The following CDC45 variants were observed in gnomAD, a reference collection of about 807,000 sequenced individuals.
CDC45 encodes cell division control protein 45 homolog.
CDC45 carries 54 observed loss-of-function variants against 77.8 expected under a neutral mutation model. The ratio of observed to expected loss-of-function variants is 0.69; its 90% CI spans 0.56 to 0.87. The LOEUF (loss-of-function observed/expected upper bound fraction) is 0.87, where lower values mean the gene tolerates loss of function less well. Ranked by LOEUF, CDC45 falls within the 40% of genes least tolerant of loss-of-function variation. CDC45 has a pLI of 0.00. For synonymous variants in CDC45, 260 were observed against 272.1 expected, an observed-to-expected ratio of 0.96 and a Z score of 0.44; for missense variants, 649 against 721.6, an observed-to-expected ratio of 0.90 and a Z score of 1.15.
In CDC45 at chr22:19,494,380, G is replaced by C. The variant is rs762614856; in HGVS notation, c.540G>C (p.Arg180=). 15 of 1,613,694 alleles carry C rather than the reference G, an allele frequency of 9.3e-6. No individual in the cohort carries two copies. Among genetic ancestry groups the C allele is most frequent in the Non-Finnish European group, 1.7e-6 (2 of 1,179,978 alleles). Residue 180 remains arginine (R), a splice_region_variant and synonymous_variant, in exon 6 of 19, where the codon CGG becomes CGC. Coordinates refer to ENST00000263201, the MANE Select transcript of CDC45 (RefSeq NM_003504.5). ...GGCAGCGGCGAGAGTGGGAGGCCCG[G>C]AGGTGAGTCTGTGCTTCCAGCTGCT... ...RRRQRREWEA[R]RRDILFDYEQ...
In CDC45 at chr22:19,515,161, G is replaced by C. The variant is rs1395433302; in HGVS notation, c.1440+113G>C. On this transcript the variant is annotated intron_variant, in intron 15 of 18. Coordinates refer to ENST00000263201, the MANE Select transcript of CDC45 (RefSeq NM_003504.5). ...GCCTGTGGCTGTTGACCAGCTGCAA[G>C]GTCTAGGCACATCCATTACTTTTTC... 4 of 878,784 alleles carry C rather than the reference G, an allele frequency of 4.6e-6. No individual in the cohort carries two copies. The African/African-American group carries it at 6.8e-5, about 15-fold the overall frequency. 54.4% of individuals were successfully genotyped at this position (878,784 alleles called of 1,614,324 possible). A position where few individuals can be genotyped will look rare whatever the true frequency, so the allele number is the denominator to read the frequency against.
chr22:19,508,088 C>G (rs905127503), intron 12 of CDC45, among the ~76,000 whole-genome samples: 14 of 152,066 alleles, frequency 9.2e-5, no homozygotes, highest in Non-Finnish European at 1.5e-5. Flanking sequence ...CTTCTTCAAG[C>G]TTGTGAGGTT....
At chr22:19,496,167 C>T in intron 7 of CDC45, 138 bp downstream of exon 7, 1 of 660,572 alleles carries the variant, frequency 1.5e-6, no homozygotes, top group Non-Finnish European at 2.7e-6. Context: ...CCCTGTGTGA[C>T]CTTGGGCAGG....
At chr22:19,493,396 C>T in intron 5 of CDC45, among the ~76,000 whole-genome samples, 1 of 151,168 alleles carries the variant, frequency 6.6e-6, no homozygotes, top group East Asian at 1.9e-4. Flanking sequence ...ACTGCTCTGC[C>T]TTCACCTCTA....
At chr22:19,485,894 TG>T (rs1171335003) in intron 5 of CDC45, among the ~76,000 whole-genome samples, 3 of 152,178 alleles carry the variant, frequency 2.0e-5, no homozygotes, top group African/African-American at 7.2e-5. Context: ...CTGGGCAACA[TG>T]AAGAGAACCT....
chr22:19,487,910 C>CAAA lies in CDC45; in HGVS notation c.486+3925_486+3927dup, dbSNP rs11291499. 7.4e-3 allele frequency among the ~76,000 whole-genome samples: 493 copies of CAAA among 66,436 alleles called. 6 individuals carry two copies. The highest frequency in any genetic ancestry group is 0.028 in the Middle Eastern group (3 of 106). The allele number at this position is 66,436 out of a possible 152,430, so 43.6% of individuals were successfully genotyped here. ...TGGGCAACAGAGCAAGACTCCGTCT[C>CAAA]AAAAAAAAAAAAAAAAAAAAAAGAG... On this transcript the variant is annotated intron_variant, in intron 5 of 18. Transcript: ENST00000263201.
chr22:19,516,432 G>T, intron 15 of CDC45, 95 bp from the exon 16 acceptor site: 1 of 1,009,884 alleles, frequency 9.9e-7, no homozygotes, highest in South Asian at 1.3e-5. Context: ...GGAGGCTTTG[G>T]GGAGTGGAGT....
chr22:19,484,139 C>G lies in CDC45; in HGVS notation c.486+134C>G, dbSNP rs2090028957. Reference sequence around the variant, plus strand: ...AAAAGTTAGCAGGCATGGATGCTGACCCTGGGCTCTGCTGTCCCCTGGTTA... The same window carrying G: ...AAAAGTTAGCAGGCATGGATGCTGAGCCTGGGCTCTGCTGTCCCCTGGTTA... On this transcript the variant is annotated intron_variant, in intron 5 of 18. Coordinates refer to ENST00000263201, the MANE Select transcript of CDC45 (RefSeq NM_003504.5). 2.0e-5 allele frequency: 16 copies of G among 794,614 alleles called. 1 individual carries two copies. In the South Asian group the frequency reaches 3.1e-4, roughly 16 times the overall value. 49.2% of individuals were successfully genotyped at this position (794,614 alleles called of 1,614,324 possible).
intron 13 of CDC45, among the ~76,000 whole-genome samples, chr22:19,511,668 G>A: frequency 6.6e-6 from 1 of 152,084 alleles, no homozygotes; most frequent in East Asian, 1.9e-4. Context: ...TCCCTTATCA[G>A]ATAAGTAATT....
At chr22:19,506,062 G>A (rs549583168) in intron 10 of CDC45, among the ~76,000 whole-genome samples, 1 of 152,346 alleles carries the variant, frequency 6.6e-6, no homozygotes, top group South Asian at 2.1e-4. Context: ...TGGCTGCCCA[G>A]TAGAGGTAGG....
Position 19,485,205 on chromosome 22 carries a change from C to T in CDC45, c.486+1200C>T, listed in dbSNP as rs994236046. ...AATGTCAGTATCCAATGGGATTTCC[C>T]GGGAAACATTCATGTTCTACAGATA... On this transcript the variant is annotated intron_variant, in intron 5 of 18. Coordinates refer to ENST00000263201, the MANE Select transcript of CDC45 (RefSeq NM_003504.5). 5.3e-5 allele frequency among the ~76,000 whole-genome samples: 8 copies of T among 152,240 alleles called. No individual in the cohort carries two copies. In the South Asian group the frequency reaches 6.2e-4, roughly 12 times the overall value.
rs997846689 is a variant in CDC45, at chr22:19,500,498, C to G, written c.704+1347C>G. ...TGTCACAAGATTGTAGTTCCCCTAA[C>G]TGCTCCATAGATCACAACTTGAACC... On this transcript the variant is annotated intron_variant, in intron 9 of 18. Transcript: ENST00000263201. Among the ~76,000 whole-genome samples, 3 of 152,190 alleles carry G rather than the reference C, an allele frequency of 2.0e-5. No individual in the cohort carries two copies. The South Asian group carries it at 6.2e-4, about 31-fold the overall frequency.
At chr22:19,487,051 T>C (rs2090080110) in intron 5 of CDC45, among the ~76,000 whole-genome samples, 1 of 150,674 alleles carries the variant, frequency 6.6e-6, no homozygotes, top group South Asian at 2.2e-4. Flanking sequence ...CCCAACACTT[T>C]GGGAGGCCAA....
At chr22:19,516,457 G>T in intron 15 of CDC45, 70 bp from the exon 16 acceptor site, 4 of 1,287,076 alleles carry the variant, frequency 3.1e-6, no homozygotes, top group Non-Finnish European at 4.5e-6. Context: ...GGGCGCTGTT[G>T]GGCTCTGGGC....
intron 13 of CDC45, among the ~76,000 whole-genome samples, chr22:19,511,287 T>A (rs942919743): frequency 9.9e-5 from 15 of 152,082 alleles, no homozygotes; most frequent in Admixed American, 6.6e-5. Context: ...TATTGGTCAT[T>A]TGTGTATCTT....
At position 19,480,146 on chromosome 22, in the gene CDC45, C is replaced by G. The variant is rs199895996; in HGVS notation, c.52-12C>G. 6.2e-7 allele frequency: 1 copy of G among 1,613,904 alleles called. No individual in the cohort carries two copies. The highest frequency in any genetic ancestry group is 1.7e-5 in the Admixed American group (1 of 60,012). ...GGTCGCCGTGTTCAGCCGGTCTGCT[C>G]TTCCCCGATAGAGGGTCCTTCTCTT... On this transcript the variant is annotated splice_polypyrimidine_tract_variant and intron_variant, in intron 1 of 18. Coordinates refer to ENST00000263201, the MANE Select transcript of CDC45 (RefSeq NM_003504.5).
At chr22:19,504,736 G>A (rs568110895) in intron 9 of CDC45, among the ~76,000 whole-genome samples, 17 of 152,254 alleles carry the variant, frequency 1.1e-4, no homozygotes, top group East Asian at 7.7e-4. Flanking sequence ...GGGGTCCTTC[G>A]GAGCAGCTCA....
intron 9 of CDC45, chr22:19,504,986 C>G (rs1933080811): frequency 4.2e-6 from 1 of 238,204 alleles, no homozygotes; most frequent in Non-Finnish European, 8.3e-6. Context: ...TTCTCCCCTC[C>G]CCCTGCCCTC....
At chr22:19,487,912 A>G (rs1346795365) in intron 5 of CDC45, among the ~76,000 whole-genome samples, 1 of 126,702 alleles carries the variant, frequency 7.9e-6, no homozygotes, top group Admixed American at 8.5e-5. Context: ...CTCCGTCTCA[A>G]AAAAAAAAAA....
Sources: allele counts gnomAD v4.1 joint callset (sites outside exome capture counted in the v4.1 genomes callset), GRCh38; gene constraint gnomAD v4.1.1; transcripts MANE v1.5; gene names NCBI Gene and HGNC (gene_info 2026-07-23, HGNC 2026-07-21).